Variants in RTL9 observed in about 807,000 individuals in gnomAD.
RTL9 encodes the protein retrotransposon Gag like 9, also known as retrotransposon Gag-like protein 9.
Under a neutral mutation model 44.7 loss-of-function variants are expected in RTL9, and 19 were observed. The observed-to-expected ratio is 0.42, with a 90% CI of 0.30 to 0.62. The LOEUF is 0.62. Ranked by LOEUF, RTL9 falls within the 20% of genes least tolerant of loss-of-function variation. The pLI is 0.16. For synonymous variants in RTL9, 407 were observed against 398.9 expected, an observed-to-expected ratio of 1.02 and a Z score of -0.24; for missense variants, 1,105 against 1,080.6, an observed-to-expected ratio of 1.02 and a Z score of -0.32.
At chrX:110,435,241 C>T (rs771302733) in intron 1 of RTL9, among the ~76,000 whole-genome samples, 1 of 111,347 alleles carries the variant, frequency 9.0e-6, no homozygotes, top group Non-Finnish European at 1.9e-5. Context: ...GAAGCAAGGA[C>T]AGGACAGTCA....
At chrX:110,368,504 TAG>T (rs1183583541) in intron 1 of RTL9, among the ~76,000 whole-genome samples, 1 of 112,073 alleles carries the variant, frequency 8.9e-6, no homozygotes, top group African/African-American at 3.2e-5. Context: ...TTCTTCCTCA[TAG>T]AGTGTCATGC....
chrX:110,407,028 T>C (rs769822617), intron 1 of RTL9, among the ~76,000 whole-genome samples: 90 of 111,821 alleles, frequency 8.0e-4, no homozygotes, highest in Non-Finnish European at 1.4e-3. Context: ...TTGTGTTTTC[T>C]CCTTTTCCTC....
rs756552019 is a variant in RTL9 at position 110,411,594 on chromosome X, A to AT, written c.-167-33558dup. 2.3e-3 allele frequency among the ~76,000 whole-genome samples: 255 copies of AT among 112,225 alleles called. 1 individual carries two copies. Among genetic ancestry groups the AT allele is most frequent in the Non-Finnish European group, 4.0e-3 (211 of 53,282 alleles). The stretch of plus-strand genomic sequence containing the variant: ...GTAGAATCTATGAAGAAAAAGAATG[A>AT]TAGATTTGACTATGCAAAAATTTAA... On this transcript the variant is annotated intron_variant, in intron 1 of 2. Coordinates refer to the RTL9 transcript ENST00000520821.
At chrX:110,454,810 A>G in intron 1 of RTL9, 146 bp downstream of exon 3, 1 of 520,311 alleles carries the variant, frequency 1.9e-6, no homozygotes, top group Middle Eastern at 5.8e-4. Flanking sequence ...CAGCAGTTTC[A>G]TCAAGTGAGC....
At chrX:110,455,393 C>T in exon 2 of RTL9, 11 of 1,121,897 alleles carry the variant, frequency 9.8e-6, no homozygotes, top group Non-Finnish European at 1.3e-5. Context: ...GGACCCATTC[C>T]ATTAAACTAC....
intron 1 of RTL9, among the ~76,000 whole-genome samples, chrX:110,361,040 G>A (rs1320484409): frequency 9.0e-6 from 1 of 110,547 alleles, no homozygotes; most frequent in Non-Finnish European, 1.9e-5. Context: ...CCAATTGCCT[G>A]CTGGACATAT....
exon 1 of RTL9, chrX:110,454,304 A>G (rs145070165): frequency 4.4e-4 from 531 of 1,210,392 alleles, no homozygotes; most frequent in South Asian, 3.5e-3. Flanking sequence ...ATGACTCCCT[A>G]TCTGAGATAG....
At chrX:110,425,547 T>C (rs745997843) in intron 1 of RTL9, among the ~76,000 whole-genome samples, 2 of 113,285 alleles carry the variant, frequency 1.8e-5, no homozygotes, top group East Asian at 2.8e-4. Context: ...CTTCTTCTAA[T>C]GACCTAGTTA....
At chrX:110,455,345 G>A in exon 2 of RTL9, 1 of 1,204,949 alleles carries the variant, frequency 8.3e-7, no homozygotes. Context: ...CTTCTCCTGT[G>A]ATATCTGACT....
chrX:110,389,601 A>T (rs1348029083), intron 1 of RTL9, among the ~76,000 whole-genome samples: 1 of 112,095 alleles, frequency 8.9e-6, no homozygotes, highest in Non-Finnish European at 1.9e-5. Flanking sequence ...CCTTAAGGTT[A>T]TTCAATCTTT....
At chrX:110,363,085 T>C (rs1045634167) in intron 1 of RTL9, among the ~76,000 whole-genome samples, 2 of 111,941 alleles carry the variant, frequency 1.8e-5, no homozygotes, top group Non-Finnish European at 3.8e-5. Flanking sequence ...ATTTACCATA[T>C]GCCATGCAGC....
intron 1 of RTL9, among the ~76,000 whole-genome samples, chrX:110,391,870 A>G (rs757081890): frequency 1.5e-4 from 17 of 112,252 alleles, no homozygotes; most frequent in Non-Finnish European, 3.0e-4. Context: ...TCACAGACAC[A>G]TAGCCAGATT....
At chrX:110,374,896 C>T (rs1296334051) in intron 1 of RTL9, among the ~76,000 whole-genome samples, 3 of 111,031 alleles carry the variant, frequency 2.7e-5, no homozygotes, top group East Asian at 2.8e-4. Context: ...GGGAGAGTGT[C>T]TGCATATGAT....
chrX:110,405,408 T>C (rs2068594712), intron 1 of RTL9, among the ~76,000 whole-genome samples: 2 of 111,156 alleles, frequency 1.8e-5, no homozygotes, highest in African/African-American at 6.6e-5. Context: ...GGAGAAGGTA[T>C]GGAACTTTTG....
chrX:110,360,925 G>T (rs1342708212), intron 1 of RTL9, among the ~76,000 whole-genome samples: 1 of 111,665 alleles, frequency 9.0e-6, no homozygotes, highest in African/African-American at 3.3e-5. Context: ...TGAAGCCTAA[G>T]ATATCTTCTG....
chrX:110,428,942 G>A (rs1438378432), intron 1 of RTL9, among the ~76,000 whole-genome samples: 5 of 112,279 alleles, frequency 4.5e-5, no homozygotes, highest in Admixed American at 9.4e-5. Context: ...CTGCCCCTAC[G>A]TGTATCCAGC....
At chrX:110,422,233 G>C (rs772216560) in intron 1 of RTL9, among the ~76,000 whole-genome samples, 8 of 112,554 alleles carry the variant, frequency 7.1e-5, no homozygotes, top group Admixed American at 1.9e-4. Context: ...ACCAGGAACT[G>C]TTCCCTCCCC....
chrX:110,437,183 T>G (rs757769003), intron 1 of RTL9, among the ~76,000 whole-genome samples: 2 of 111,312 alleles, frequency 1.8e-5, no homozygotes, highest in Admixed American at 1.9e-4. Flanking sequence ...GGTGAGAGGG[T>G]GACATTAACT....
At chrX:110,375,600 T>C (rs2068371114) in intron 1 of RTL9, among the ~76,000 whole-genome samples, 1 of 111,880 alleles carries the variant, frequency 8.9e-6, no homozygotes, top group Non-Finnish European at 1.9e-5. Context: ...CCTGCCTGCC[T>C]CACAGAGTTA....
Sources: allele counts gnomAD v4.1 joint callset (sites outside exome capture counted in the v4.1 genomes callset), GRCh38; gene constraint gnomAD v4.1.1; transcripts MANE v1.5; gene names NCBI Gene and HGNC (gene_info 2026-07-23, HGNC 2026-07-21).